SAMMSON: variants seen among roughly 807,000 people sequenced by gnomAD.
SAMMSON encodes long intergenic non-protein coding RNA 1212.
chr3:70,380,722 T>G (rs1230315684), intron 9 of SAMMSON, among the ~76,000 whole-genome samples: 1 of 150,740 alleles, frequency 6.6e-6, no homozygotes, highest in African/African-American at 2.4e-5. Flanking sequence ...GGCCCCAGTG[T>G]GTGATGTTCC....
chr3:70,378,979 T>TTTATTTA (rs1703043116), intron 9 of SAMMSON, among the ~76,000 whole-genome samples: 4 of 141,450 alleles, frequency 2.8e-5, no homozygotes, highest in African/African-American at 7.9e-5. Context: ...ATACTTACAC[T>TTTATTTA]TTTATTTATT....
intron 4 of SAMMSON, among the ~76,000 whole-genome samples, chr3:70,244,964 C>G (rs1312917326): frequency 1.3e-5 from 2 of 152,096 alleles, no homozygotes; most frequent in African/African-American, 4.8e-5. Flanking sequence ...ATATAAAAAT[C>G]ATACTACTTA....
intron 4 of SAMMSON, among the ~76,000 whole-genome samples, chr3:70,093,258 C>T (rs1287928686): frequency 1.3e-5 from 2 of 152,172 alleles, no homozygotes; most frequent in Non-Finnish European, 2.9e-5. Context: ...GTGAGTCAAA[C>T]ATCTTTCATG....
At chr3:70,283,187 G>C (rs1287174501) in intron 6 of SAMMSON, among the ~76,000 whole-genome samples, 1 of 152,108 alleles carries the variant, frequency 6.6e-6, no homozygotes, top group Non-Finnish European at 1.5e-5. Context: ...TGTGGCAGGA[G>C]ATGCCAGTGA....
chr3:70,278,930 T>C (rs1452658143), intron 6 of SAMMSON, among the ~76,000 whole-genome samples: 1 of 151,402 alleles, frequency 6.6e-6, no homozygotes. Context: ...GCTCAATGAA[T>C]AGTTTCTTTC....
chr3:70,143,372 G>C (rs1283069900), intron 4 of SAMMSON, among the ~76,000 whole-genome samples: 1 of 151,826 alleles, frequency 6.6e-6, no homozygotes, highest in African/African-American at 2.4e-5. Context: ...GTGTGAATGT[G>C]TGTGTGTGTG....
In SAMMSON at chr3:70,028,143, T is replaced by TTTCCTTCC. The variant is rs540467067; in HGVS notation, n.417+14510_417+14517dup. On this transcript the variant is annotated intron_variant and non_coding_transcript_variant, in intron 3 of 9. Coordinates refer to ENST00000642114, the Ensembl canonical transcript of SAMMSON. ...CTTCCTTCCGTCCCTTCCTTCCTTC[T>TTTCCTTCC]TTCCTTCCTTCCTTCCTTCCTTCCT... Among the ~76,000 whole-genome samples the TTTCCTTCC allele has an allele frequency of 1.8e-3, 235 of 130,824 alleles. 1 individual carries two copies. Among genetic ancestry groups the TTTCCTTCC allele is most frequent in the African/African-American group, 6.4e-3 (210 of 32,930 alleles). 85.8% of individuals were successfully genotyped at this position (130,824 alleles called of 152,430 possible).
At chr3:70,209,946 A>G (rs940337174) in intron 4 of SAMMSON, among the ~76,000 whole-genome samples, 1 of 152,122 alleles carries the variant, frequency 6.6e-6, no homozygotes, top group African/African-American at 2.4e-5. Flanking sequence ...TAGCTCAGAA[A>G]GAGCTGATAG....
chr3:70,409,287 A>G (rs1249437488), intron 2 of SAMMSON, among the ~76,000 whole-genome samples: 1 of 152,184 alleles, frequency 6.6e-6, no homozygotes, highest in Non-Finnish European at 1.5e-5. Flanking sequence ...ATTTCATTTA[A>G]TAAATTGATA....
intron 6 of SAMMSON, among the ~76,000 whole-genome samples, chr3:70,262,421 T>C (rs1358318670): frequency 6.6e-6 from 1 of 152,208 alleles, no homozygotes; most frequent in Non-Finnish European, 1.5e-5. Flanking sequence ...AAGATGCGGA[T>C]GCATTCTTAA....
chr3:70,245,355 AT>A, intron 4 of SAMMSON, among the ~76,000 whole-genome samples: 1 of 152,170 alleles, frequency 6.6e-6, no homozygotes, highest in East Asian at 1.9e-4. Context: ...CTTTAACAAA[AT>A]ATTAGAATAT....
intron 4 of SAMMSON, among the ~76,000 whole-genome samples, chr3:70,174,703 A>G (rs955671314): frequency 2.6e-5 from 4 of 152,034 alleles, no homozygotes; most frequent in African/African-American, 7.2e-5. Flanking sequence ...TATTCTAGAA[A>G]AGGTTGACTT....
chr3:70,010,863 G>T (rs1203551299), intron 1 of SAMMSON, among the ~76,000 whole-genome samples: 1 of 152,110 alleles, frequency 6.6e-6, no homozygotes, highest in East Asian at 1.9e-4. Context: ...GCAAACAGGG[G>T]AAATGCCAGA....
chr3:70,097,467 T>A (rs1184581456), intron 4 of SAMMSON, among the ~76,000 whole-genome samples: 1 of 152,234 alleles, frequency 6.6e-6, no homozygotes, highest in Non-Finnish European at 1.5e-5. Flanking sequence ...TTATAAAGCA[T>A]CTAGTCTATA....
At chr3:70,198,835 A>G (rs1701206941) in intron 4 of SAMMSON, among the ~76,000 whole-genome samples, 1 of 152,086 alleles carries the variant, frequency 6.6e-6, no homozygotes, top group African/African-American at 2.4e-5. Context: ...CGTGTGACCA[A>G]CTCTCCCATA....
chr3:70,227,753 G>A (rs1701521933), intron 4 of SAMMSON, among the ~76,000 whole-genome samples: 2 of 152,150 alleles, frequency 1.3e-5, no homozygotes, highest in East Asian at 1.9e-4. Flanking sequence ...AACTCCGTGG[G>A]ATAAGCACTA....
chr3:70,139,042 A>G (rs2067517258), intron 4 of SAMMSON, among the ~76,000 whole-genome samples: 1 of 152,180 alleles, frequency 6.6e-6, no homozygotes, highest in African/African-American at 2.4e-5. Flanking sequence ...TATCTTCATT[A>G]CAGAGCTACA....
chr3:70,188,062 A>G (rs1246811863), intron 4 of SAMMSON, among the ~76,000 whole-genome samples: 3 of 152,150 alleles, frequency 2.0e-5, no homozygotes, highest in Non-Finnish European at 2.9e-5. Context: ...AATCAACACC[A>G]TAAACTCGTC....
At chr3:70,118,141 C>G (rs777776325) in intron 4 of SAMMSON, among the ~76,000 whole-genome samples, 2 of 152,134 alleles carry the variant, frequency 1.3e-5, no homozygotes, top group Non-Finnish European at 2.9e-5. Flanking sequence ...CCAGGATGGT[C>G]TCGATCTCCT....
Sources: allele counts gnomAD v4.1 joint callset (sites outside exome capture counted in the v4.1 genomes callset), GRCh38; gene constraint gnomAD v4.1.1; transcripts MANE v1.5; gene names NCBI Gene and HGNC (gene_info 2026-07-23, HGNC 2026-07-21).